VCAN: variants seen among roughly 807,000 people sequenced by gnomAD.
VCAN encodes the protein versican.
Under a neutral mutation model 245.5 loss-of-function variants are expected in VCAN, and 44 were observed. That is an observed-to-expected ratio of 0.18 (90% CI 0.14 to 0.23). The LOEUF is 0.23. Among genes scored for constraint, VCAN ranks in the 10% least tolerant of loss-of-function variants. The pLI is 1.00. For synonymous variants in VCAN, 1,413 were observed against 1,437.0 expected, an observed-to-expected ratio of 0.98 and a Z score of 0.38; for missense variants, 3,793 against 4,057.9, an observed-to-expected ratio of 0.93 and a Z score of 1.77.
intron 6 of VCAN, among the ~76,000 whole-genome samples, chr5:83,515,972 C>T (rs1745835458): frequency 6.6e-6 from 1 of 152,212 alleles, no homozygotes; most frequent in Non-Finnish European, 1.5e-5. Flanking sequence ...GTCGCTCACG[C>T]CTGTAATCCC....
rs1438229672 is a variant in VCAN, at chr5:83,537,688, TTGCAAGGGC to T, written c.4687_4695del (p.Ala1563_Ala1565del). 8 of 1,613,762 alleles carry T rather than the reference TTGCAAGGGC, an allele frequency of 5.0e-6. No individual in the cohort carries two copies. Among genetic ancestry groups the T allele is most frequent in the Non-Finnish European group, 6.8e-6 (8 of 1,179,942 alleles). ...GACCAAGAATCTCAGAAAATAGCCT[TTGCAAGGGC>T]TACAGAAGTAACATTTGGTGAAGAG... On this transcript the variant is annotated inframe_deletion, in exon 8 of 15. Coordinates refer to ENST00000265077, the MANE Select transcript of VCAN (RefSeq NM_004385.5).
chr5:83,519,271 G>T, intron 6 of VCAN, 78 bp from the exon 7 acceptor site: 2 of 1,481,420 alleles, frequency 1.4e-6, no homozygotes, highest in Non-Finnish European at 1.9e-6. Flanking sequence ...AAAATACTCA[G>T]GAGCACTTAA....
Position 83,520,784 on chromosome 5 carries a change from G to T in VCAN, c.2478G>T (p.Leu826Phe). The part of the protein sequence containing the change: ...ESTEPSASSK[L>F]PPALLTTVGM... The stretch of plus-strand genomic sequence containing the variant: ...CAGAACCTTCAGCCTCTTCAAAATT[G>T]CCCCCTGCCTTACTCACAACTGTGG... The change falls in exon 7 of 15, where the codon TTG becomes TTT. Residue 826 changes from leucine to phenylalanine, a missense_variant. This residue lies in a region of VCAN where 3,182 missense variants were observed against 3,250.3 expected (regional missense o/e 0.98). Coordinates refer to ENST00000265077, the MANE Select transcript of VCAN (RefSeq NM_004385.5). 1 of 1,614,036 alleles carries T rather than the reference G, an allele frequency of 6.2e-7. No homozygotes were observed. The highest frequency in any genetic ancestry group is 8.5e-7 in the Non-Finnish European group (1 of 1,179,962).
chr5:83,504,080 T>C (rs189640729), intron 5 of VCAN, among the ~76,000 whole-genome samples: 1 of 152,354 alleles, frequency 6.6e-6, no homozygotes, highest in Admixed American at 6.5e-5. Flanking sequence ...CAGCTAGTGA[T>C]CAAATTAGAG....
Position 83,580,450 on chromosome 5 carries a change from A to T in VCAN, c.*16A>T. On this transcript the variant is annotated 3_prime_UTR_variant, in exon 15 of 15. Transcript: ENST00000265077. ...GAGGCGCTGATCCCTAAAATGGCGA[A>T]CATGTGTTTTCATCATTTCAGCCAA... is the stretch of plus-strand genomic sequence containing the variant. The T allele has an allele frequency of 6.2e-7, 1 of 1,613,530 alleles. No individual in the cohort carries two copies. Among genetic ancestry groups the T allele is most frequent in the Non-Finnish European group, 8.5e-7 (1 of 1,179,720 alleles).
At chr5:83,555,090 C>G (rs1390571532) in intron 12 of VCAN, 52 bp downstream of exon 12, 1 of 1,579,698 alleles carries the variant, frequency 6.3e-7, no homozygotes, top group Non-Finnish European at 8.7e-7. Flanking sequence ...AAATTTGGTA[C>G]TGTGCACTGA....
intron 1 of VCAN, among the ~76,000 whole-genome samples, chr5:83,479,752 C>A (rs1002813391): frequency 6.6e-6 from 1 of 151,982 alleles, no homozygotes; most frequent in African/African-American, 2.4e-5. Context: ...AGGGACATAG[C>A]CTTGAGAAAA....
intron 5 of VCAN, among the ~76,000 whole-genome samples, chr5:83,503,226 T>TAG (rs758148229): frequency 2.3e-4 from 34 of 150,492 alleles, no homozygotes; most frequent in Non-Finnish European, 3.6e-4. Context: ...GAGAGAGAGA[T>TAG]AGAGAGAGAG....
chr5:83,527,415 A>C (rs575584571), intron 7 of VCAN, among the ~76,000 whole-genome samples: 1 of 152,216 alleles, frequency 6.6e-6, no homozygotes, highest in South Asian at 2.1e-4. Context: ...TTTTCTGCAG[A>C]TAATTAGAAT....
In VCAN at chr5:83,541,579, T is replaced by C. The variant is rs1327176219; in HGVS notation, c.8576T>C (p.Met2859Thr). The change falls in exon 8 of 15, where the codon ATG (methionine) becomes ACG (threonine). Residue 2859 changes from methionine to threonine, a missense_variant. Transcript: ENST00000265077. ...LPGIDVGSSV[M>T]SPQDSFKEIH... The stretch of plus-strand genomic sequence containing the variant: ...GGAATAGACGTCGGCTCATCTGTAA[T>C]GTCCCCACAGGATTCTTTTAAGGAA... The C allele has an allele frequency of 6.2e-7, 1 of 1,613,942 alleles. No homozygotes were observed. The highest frequency in any genetic ancestry group is 1.7e-5 in the Admixed American group (1 of 60,012).
intron 10 of VCAN, among the ~76,000 whole-genome samples, chr5:83,549,717 G>T (rs1228340646): frequency 6.6e-6 from 1 of 152,068 alleles, no homozygotes; most frequent in Non-Finnish European, 1.5e-5. Flanking sequence ...TGACTTTCAG[G>T]TACTTTTTAT....
chr5:83,484,781 G>A (rs1744738302), intron 2 of VCAN, among the ~76,000 whole-genome samples: 1 of 152,166 alleles, frequency 6.6e-6, no homozygotes, highest in African/African-American at 2.4e-5. Flanking sequence ...ACATAAAACA[G>A]AGTGACATCA....
chr5:83,572,673 G>A (rs914542663), intron 13 of VCAN, 113 bp downstream of exon 13: 5 of 1,337,450 alleles, frequency 3.7e-6, no homozygotes, highest in African/African-American at 2.9e-5. Context: ...ATATGTCCAT[G>A]TATGTCATCT....
At chr5:83,551,088 T>C (rs888578846) in intron 10 of VCAN, among the ~76,000 whole-genome samples, 2 of 152,046 alleles carry the variant, frequency 1.3e-5, no homozygotes, top group African/African-American at 2.4e-5. Flanking sequence ...ACCTGTGTTC[T>C]GATTGGAATG....
Position 83,538,111 on chromosome 5 carries a change from C to A in VCAN, c.5108C>A (p.Thr1703Asn). Residue 1703 changes from threonine to asparagine, a missense_variant, in exon 8 of 15, where the codon ACC (threonine) becomes AAC (asparagine). Around this residue, in one of 5 missense-constraint regions of VCAN, gnomAD observed 3,182 missense variants for 3,250.3 expected, o/e 0.98. Transcript: ENST00000265077. The stretch of plus-strand genomic sequence containing the variant: ...CAACCTTCTGCAAAAGTGGTGCCTA[C>A]CAAGTTTGTAAGTGAAACAGACACT... The part of the protein sequence containing the change: ...SEQPSAKVVP[T>N]KFVSETDTSE... The A allele has an allele frequency of 6.2e-7, 1 of 1,613,986 alleles. No individual in the cohort carries two copies. The highest frequency in any genetic ancestry group is 8.5e-7 in the Non-Finnish European group (1 of 1,179,960).
At chr5:83,578,720 A>G (rs1280922404) in intron 13 of VCAN, among the ~76,000 whole-genome samples, 1 of 152,316 alleles carries the variant, frequency 6.6e-6, no homozygotes, top group African/African-American at 2.4e-5. Context: ...GCAATATTTC[A>G]TGAGAGAATG....
intron 7 of VCAN, among the ~76,000 whole-genome samples, chr5:83,527,697 T>C (rs376399678): frequency 1.2e-4 from 18 of 152,288 alleles, no homozygotes; most frequent in African/African-American, 4.3e-4. Flanking sequence ...AATCTCAATA[T>C]TTTAACACTT....
At chr5:83,509,335 T>C (rs1428400515) in intron 5 of VCAN, among the ~76,000 whole-genome samples, 1 of 152,232 alleles carries the variant, frequency 6.6e-6, no homozygotes, top group Admixed American at 6.5e-5. Flanking sequence ...ATTCTCTTTG[T>C]AACAGGCCAG....
intron 7 of VCAN, among the ~76,000 whole-genome samples, chr5:83,527,187 T>A (rs1340060121): frequency 6.6e-6 from 1 of 152,242 alleles, no homozygotes; most frequent in Non-Finnish European, 1.5e-5. Context: ...TAGATTTGGT[T>A]GCTGCTAATA....
Sources: allele counts gnomAD v4.1 joint callset (sites outside exome capture counted in the v4.1 genomes callset), GRCh38; gene constraint gnomAD v4.1.1; regional missense constraint gnomAD v4.1.1; transcripts MANE v1.5; gene names NCBI Gene and HGNC (gene_info 2026-07-23, HGNC 2026-07-21).